CHADL: variants seen among roughly 807,000 people sequenced by gnomAD.
CHADL encodes chondroadherin like, also known as chondroadherin-like protein.
CHADL carries 48 observed loss-of-function variants against 52.1 expected under a neutral mutation model. The observed-to-expected ratio is 0.92, with a 90% CI of 0.73 to 1.17. The LOEUF is 1.17. Ranked by LOEUF, CHADL falls within the 50% of genes most tolerant of loss-of-function variation. CHADL has a pLI of 0.00. For missense variants in CHADL, 977 were observed against 1,035.1 expected (o/e 0.94, Z 0.77); for synonymous variants, 498 against 511.2 (o/e 0.97, Z 0.35).
intron 2 of CHADL, 104 bp downstream of exon 2, chr22:41,239,339 C>T (rs909092334): frequency 1.8e-5 from 19 of 1,046,690 alleles, no homozygotes; most frequent in African/African-American, 3.3e-5. Context: ...CAAGGTCTCC[C>T]GGGCAGGCGG....
At chr22:41,232,848 C>T (rs993315028) in intron 5 of CHADL, among the ~76,000 whole-genome samples, 2 of 152,178 alleles carry the variant, frequency 1.3e-5, no homozygotes, top group Non-Finnish European at 2.9e-5. Flanking sequence ...GGAGAAAGCA[C>T]TGCTGCCATT....
chr22:41,237,936 G>C lies in CHADL; in HGVS notation c.1136C>G (p.Pro379Arg), dbSNP rs984767036. The C allele has an allele frequency of 1.6e-5, 20 of 1,269,482 alleles. No individual in the cohort carries two copies. In the South Asian group the frequency reaches 5.0e-4, roughly 32 times the overall value. 78.6% of individuals were successfully genotyped at this position (1,269,482 alleles called of 1,614,324 possible). A position where few individuals can be genotyped will look rare whatever the true frequency, so the allele number is the denominator to read the frequency against. ...GGGGCCGCGCGGAGGGCCGCGCGGA[G>C]GGGCGCGGGGCCCGGCCACAGCCCG... ...EERAVAGPRA[P>R]PRGPPRGPGE... is the part of the protein sequence containing the mutation. Residue 379 changes from proline (P) to arginine (R), a missense_variant, in exon 3 of 6, where the codon CCT becomes CGT. Pro to Arg is a moderately radical substitution (Grantham distance 103). Coordinates refer to ENST00000216241, the MANE Select transcript of CHADL (RefSeq NM_138481.2).
chr22:41,240,919 G>A lies in CHADL; in HGVS notation c.-38C>T, dbSNP rs1017202057. On this transcript the variant is annotated 5_prime_UTR_variant, in exon 1 of 6. Coordinates refer to ENST00000216241, the MANE Select transcript of CHADL (RefSeq NM_138481.2). ...TGCTGGTCCAGCCTGGAGGCGCAGC[G>A]CAGGGACAGGCTGTCCCCGCCTGGC... 9.8e-5 allele frequency: 151 copies of A among 1,542,258 alleles called. No individual in the cohort carries two copies. Among genetic ancestry groups the A allele is most frequent in the Non-Finnish European group, 1.2e-4 (138 of 1,144,722 alleles).
At chr22:41,235,487 A>T in intron 4 of CHADL, 144 bp from the exon 5 acceptor site, 3 of 677,120 alleles carry the variant, frequency 4.4e-6, no homozygotes, top group Non-Finnish European at 5.0e-6. Context: ...CTCAACAAGC[A>T]TTTGCCAGCT....
chr22:41,230,587 A>G lies in CHADL; in HGVS notation c.2263-857T>C, dbSNP rs1223188077. On this transcript the variant is annotated intron_variant, in intron 5 of 5. Transcript: ENST00000216241. ...CTCCCCCCGACCCGCCACGGCCCTC[A>G]GTTGCCAGGGATGGGGCCACCACTG... The G allele has an allele frequency of 8.8e-6, 3 of 339,474 alleles. No homozygotes were observed. The Admixed American group carries it at 1.4e-4, about 16-fold the overall frequency. 21.0% of individuals were successfully genotyped at this position (339,474 alleles called of 1,614,324 possible). A position where few individuals can be genotyped will look rare whatever the true frequency, so the allele number is the denominator to read the frequency against.
intron 4 of CHADL, among the ~76,000 whole-genome samples, chr22:41,236,005 G>A (rs2032733308): frequency 1.3e-5 from 2 of 152,122 alleles, no homozygotes; most frequent in East Asian, 1.9e-4. Flanking sequence ...CCAAGTAGCT[G>A]GGATTACAGG....
chr22:41,234,548 A>ATTT (rs1234465636), intron 5 of CHADL, among the ~76,000 whole-genome samples: 1,838 of 139,250 alleles, frequency 0.013, 53 homozygotes, highest in Admixed American at 0.075. Context: ...CGCCCAGCTA[A>ATTT]TTTTTTTTTT....
chr22:41,238,047 A>C lies in CHADL; in HGVS notation c.1025T>G (p.Leu342Arg), dbSNP rs551713827. The C allele has an allele frequency of 3.9e-6, 5 of 1,272,362 alleles. No homozygotes were observed. In the Admixed American group the frequency reaches 2.1e-4, roughly 54 times the overall value. The allele number at this position is 1,272,362 out of a possible 1,614,324, so 78.8% of individuals were successfully genotyped here. The change falls in exon 3 of 6, where the codon CTG (leucine) becomes CGG (arginine). Residue 342 changes from leucine (L) to arginine (R), a missense_variant. Coordinates refer to ENST00000216241, the MANE Select transcript of CHADL (RefSeq NM_138481.2). This position sits in a 1 kb window ranked among gnomAD's most constrained non-coding sequence, Gnocchi z 4.9. Reference protein sequence around the residue: ...SDGACQGPRRLRGEALDALRP... With the variant: ...SDGACQGPRRRRGEALDALRP... Reference sequence around the variant, plus strand: ...CAGGGCGTCCAGAGCCTCGCCCCGCAGGCGCCGCGGCCCCTGGCACGCGCC... The same window carrying C: ...CAGGGCGTCCAGAGCCTCGCCCCGCCGGCGCCGCGGCCCCTGGCACGCGCC...
intron 1 of CHADL, 56 bp from the exon 2 acceptor site, chr22:41,239,676 C>G (rs1237913768): frequency 1.4e-6 from 2 of 1,409,540 alleles, no homozygotes; most frequent in Non-Finnish European, 1.9e-6. Flanking sequence ...CATGCTGTCC[C>G]TCACTTAGTC....
In CHADL at chr22:41,234,352, C is replaced by T. The variant is rs956570595; in HGVS notation, c.2262+793G>A. On this transcript the variant is annotated intron_variant, in intron 5 of 5. Transcript: ENST00000216241. ...GGTGGGGGCAGGGAGGAGGGAAGAA[C>T]GGGAGGATGGACATTATTATTATTA... Among the ~76,000 whole-genome samples, 6 of 146,720 alleles carry T rather than the reference C, an allele frequency of 4.1e-5. No homozygotes were observed. In the South Asian group the frequency reaches 1.1e-3, roughly 27 times the overall value.
At chr22:41,233,688 G>T (rs1363396978) in intron 5 of CHADL, among the ~76,000 whole-genome samples, 2 of 152,130 alleles carry the variant, frequency 1.3e-5, no homozygotes, top group Non-Finnish European at 2.9e-5. Context: ...ACACCTCAAC[G>T]GCTGACCCCT....
At position 41,237,557 on chromosome 22, in the gene CHADL, T is replaced by A; in HGVS notation, c.1515A>T (p.Glu505Asp). ...CTGGCACCTGCAGGAAACGGTTGCG[T>A]TCTAGGTACAGGTAGCCGAGGCGGG... ...GAPRLGYLYL[E>D]RNRFLQVPGA... The change falls in exon 3 of 6, where the codon GAA becomes GAT. Residue 505 changes from glutamate (E) to aspartate (D), a missense_variant. Transcript: ENST00000216241. 2 of 1,550,362 alleles carry A rather than the reference T, an allele frequency of 1.3e-6. No homozygotes were observed. The highest frequency in any genetic ancestry group is 1.7e-6 in the Non-Finnish European group (2 of 1,146,868).
At position 41,238,613 on chromosome 22, in the gene CHADL, C is replaced by T. The variant is rs1301432296; in HGVS notation, c.459G>A (p.Thr153=). 29 of 1,544,394 alleles carry T rather than the reference C, an allele frequency of 1.9e-5. No individual in the cohort carries two copies. Among genetic ancestry groups the T allele is most frequent in the Non-Finnish European group, 2.3e-5 (26 of 1,146,514 alleles). The part of the protein sequence containing the change: ...GNALEELRPG[T]FGALGALATL... ...TGGCCAGCGCACCCAGTGCCCCGAACGTCCCCGGCCGCAGCTCCTCCAGTG... is the reference window on the plus strand; with the variant it reads ...TGGCCAGCGCACCCAGTGCCCCGAATGTCCCCGGCCGCAGCTCCTCCAGTG... Residue 153 remains threonine, a synonymous_variant, in exon 3 of 6, where the codon ACG becomes ACA. Transcript: ENST00000216241. The surrounding 1 kb of genome is among the most constrained non-coding windows in gnomAD (Gnocchi z 4.9).
chr22:41,238,404 C>A lies in CHADL; in HGVS notation c.668G>T (p.Gly223Val). 1 of 1,514,384 alleles carries A rather than the reference C, an allele frequency of 6.6e-7. No individual in the cohort carries two copies. Among genetic ancestry groups the A allele is most frequent in the Non-Finnish European group, 8.8e-7 (1 of 1,134,738 alleles). 93.8% of individuals were successfully genotyped at this position (1,514,384 alleles called of 1,614,324 possible). Reference protein sequence around the residue: ...LHHNELQALPGPVLSQARGLA... With the variant: ...LHHNELQALPVPVLSQARGLA... ...GCCGCGGGCCTGGGACAAGACAGGC[C>A]CGGGCAGAGCCTGGAGCTCGTTGTG... is the stretch of plus-strand genomic sequence containing the variant. The change falls in exon 3 of 6, where the codon GGG becomes GTG. Residue 223 changes from glycine (G) to valine (V), a missense_variant. Gly to Val is a moderately radical substitution (Grantham distance 109). Coordinates refer to ENST00000216241, the MANE Select transcript of CHADL (RefSeq NM_138481.2). The surrounding 1 kb of genome is among the most constrained non-coding windows in gnomAD (Gnocchi z 4.9).
intron 5 of CHADL, among the ~76,000 whole-genome samples, chr22:41,231,757 C>G (rs2032597635): frequency 6.6e-6 from 1 of 152,198 alleles, no homozygotes; most frequent in Admixed American, 6.5e-5. Context: ...AACCCCTCAT[C>G]CCTGCTTCTG....
At chr22:41,231,479 T>TC (rs2032585731) in intron 5 of CHADL, among the ~76,000 whole-genome samples, 1 of 152,104 alleles carries the variant, frequency 6.6e-6, no homozygotes, top group Non-Finnish European at 1.5e-5. Flanking sequence ...GACTGTGAGT[T>TC]CCCCAGAGAT....
intron 3 of CHADL, 105 bp from the exon 4 acceptor site, chr22:41,236,755 G>C: frequency 2.6e-6 from 3 of 1,163,528 alleles, no homozygotes; most frequent in Non-Finnish European, 3.5e-6. Flanking sequence ...AAGCTGGAGA[G>C]CCCAAGCTGG....
Position 41,238,845 on chromosome 22 carries a change from A to C in CHADL, c.227T>G (p.Val76Gly). The C allele has an allele frequency of 6.5e-7, 1 of 1,544,132 alleles. No individual in the cohort carries two copies. The change falls in exon 3 of 6, where the codon GTG becomes GGG. Residue 76 changes from valine (V) to glycine (G), a missense_variant. By Grantham distance (109) the Val-to-Gly change is moderately radical (BLOSUM62 -3). Coordinates refer to ENST00000216241, the MANE Select transcript of CHADL (RefSeq NM_138481.2). The surrounding 1 kb of genome is among the most constrained non-coding windows in gnomAD (Gnocchi z 4.9). ...GCCCTGGAAGGCGGCTGCGGGGATC[A>C]CCTTCAGCAAATTGCCCTGCAGGTC... ...RLDLQGNLLK[V>G]IPAAAFQGVP...
In CHADL at chr22:41,238,366, C is replaced by G; in HGVS notation, c.706G>C (p.Glu236Gln). 1.3e-6 allele frequency: 2 copies of G among 1,498,624 alleles called. No homozygotes were observed. Among genetic ancestry groups the G allele is most frequent in the South Asian group, 1.3e-5 (1 of 78,796 alleles). The allele number at this position is 1,498,624 out of a possible 1,614,324, so 92.8% of individuals were successfully genotyped here. A position where few individuals can be genotyped will look rare whatever the true frequency, so the allele number is the denominator to read the frequency against. Residue 236 changes from glutamate to glutamine, a missense_variant, in exon 3 of 6, where the codon GAG becomes CAG. Coordinates refer to ENST00000216241, the MANE Select transcript of CHADL (RefSeq NM_138481.2). The surrounding 1 kb of genome is among the most constrained non-coding windows in gnomAD (Gnocchi z 4.9). ...TAGGTGAGCGGGTTGTGGCCCAGCT[C>G]CAGACGGGCCAGGCCGCGGGCCTGG... ...LSQARGLARL[E>Q]LGHNPLTYAG...
Sources: allele counts gnomAD v4.1 joint callset (sites outside exome capture counted in the v4.1 genomes callset), GRCh38; gene constraint gnomAD v4.1.1; non-coding constraint Gnocchi (gnomAD v3.1); transcripts MANE v1.5; gene names NCBI Gene and HGNC (gene_info 2026-07-23, HGNC 2026-07-21).